The following AGO3 variants were observed in gnomAD, a reference collection of about 807,000 sequenced individuals.
AGO3 encodes protein argonaute-3.
In AGO3, 16 loss-of-function variants were observed where a neutral mutation model predicts 105.5. The observed-to-expected ratio is 0.15, with a 90% CI of 0.10 to 0.23. The LOEUF (loss-of-function observed/expected upper bound fraction) is 0.23, where lower values mean the gene tolerates loss of function less well. AGO3 is among the 10% of genes least tolerant of loss of function. The pLI is 1.00. For missense variants in AGO3, 534 were observed against 1,088.0 expected (o/e 0.49, Z 7.16); for synonymous variants, 340 against 367.3 (o/e 0.93, Z 0.85).
intron 1 of AGO3, among the ~76,000 whole-genome samples, chr1:35,945,213 C>CTT (rs577859805): frequency 9.6e-5 from 14 of 145,838 alleles, no homozygotes; most frequent in African/African-American, 3.0e-4. Context: ...CTTTTCTTTT[C>CTT]TTTTTTTTTT....
chr1:35,979,508 C>T (rs1647012495), intron 5 of AGO3, among the ~76,000 whole-genome samples: 1 of 152,006 alleles, frequency 6.6e-6, no homozygotes, highest in South Asian at 2.1e-4. Context: ...GTGAAATATC[C>T]ATCAGAGCTA....
At position 36,008,250 on chromosome 1, in the gene AGO3, G is replaced by A. The variant is rs1640426847; in HGVS notation, c.794-440G>A. Reference sequence around the variant, plus strand: ...TCTTTCTTGAGCTTTACAAAATTCTGATCTTCAAGCAGTATGTGATGACTG... The same window carrying A: ...TCTTTCTTGAGCTTTACAAAATTCTAATCTTCAAGCAGTATGTGATGACTG... On this transcript the variant is annotated intron_variant, in intron 6 of 18. Coordinates refer to ENST00000373191, the MANE Select transcript of AGO3 (RefSeq NM_024852.4). This position sits in a 1 kb window ranked among gnomAD's most constrained non-coding sequence, Gnocchi z 5.1. Among the ~76,000 whole-genome samples the A allele has an allele frequency of 6.6e-6, 1 of 152,032 alleles. No individual in the cohort carries two copies. Among genetic ancestry groups the A allele is most frequent in the Non-Finnish European group, 1.5e-5 (1 of 68,004 alleles).
intron 5 of AGO3, among the ~76,000 whole-genome samples, chr1:35,995,049 A>T (rs191312043): frequency 1.2e-4 from 18 of 151,754 alleles, no homozygotes; most frequent in African/African-American, 4.3e-4. Flanking sequence ...AATACAAAAA[A>T]AATTAGCCGG....
intron 12 of AGO3, among the ~76,000 whole-genome samples, chr1:36,031,358 G>T (rs1174200699): frequency 6.6e-6 from 1 of 151,946 alleles, no homozygotes; most frequent in Admixed American, 6.6e-5. Context: ...CTTCATTTAT[G>T]ATTTCTGATC....
rs769594492 is a variant in AGO3 at position 36,055,590 on chromosome 1, T to A, written c.2475-47T>A. The A allele has an allele frequency of 4.5e-6, 7 of 1,546,354 alleles. No individual in the cohort carries two copies. Among genetic ancestry groups the A allele is most frequent in the Non-Finnish European group, 5.3e-6 (6 of 1,121,950 alleles). On this transcript the variant is annotated intron_variant, in intron 18 of 18. Transcript: ENST00000373191. This position sits in a 1 kb window ranked among gnomAD's most constrained non-coding sequence, Gnocchi z 4.4. ...AATAGTATTTTTCGGAATTATTACA[T>A]CAGAATAGAAAGTTTGTTTTTGTGT... is the stretch of plus-strand genomic sequence containing the variant.
intron 16 of AGO3, among the ~76,000 whole-genome samples, chr1:36,042,370 C>T (rs1029653602): frequency 2.0e-5 from 3 of 152,174 alleles, no homozygotes; most frequent in Non-Finnish European, 4.4e-5. Context: ...TAGGTGTGAG[C>T]CATCACACCC....
chr1:35,959,873 TA>T (rs1235822817), intron 2 of AGO3, among the ~76,000 whole-genome samples: 1 of 151,998 alleles, frequency 6.6e-6, no homozygotes, highest in Non-Finnish European at 1.5e-5. Flanking sequence ...TAATTATGCT[TA>T]AATTTTAATA....
intron 1 of AGO3, among the ~76,000 whole-genome samples, chr1:35,942,864 T>C (rs1209246404): frequency 6.6e-6 from 1 of 152,234 alleles, no homozygotes; most frequent in Non-Finnish European, 1.5e-5. Flanking sequence ...ACTATATCCA[T>C]TTAACAAATC....
At position 36,008,836 on chromosome 1, in the gene AGO3, T is replaced by A. The variant is rs1344962838; in HGVS notation, c.881+59T>A. On this transcript the variant is annotated intron_variant, in intron 7 of 18. Coordinates refer to ENST00000373191, the MANE Select transcript of AGO3 (RefSeq NM_024852.4). The surrounding 1 kb of genome is among the most constrained non-coding windows in gnomAD (Gnocchi z 5.1). ...AGGCAGCTTGCTCTAGTTAGTGGGGTTGGGAGTTTTTCTGGCTCATAATGG... is the reference window on the plus strand; with the variant it reads ...AGGCAGCTTGCTCTAGTTAGTGGGGATGGGAGTTTTTCTGGCTCATAATGG... 9 of 1,613,856 alleles carry A rather than the reference T, an allele frequency of 5.6e-6. No individual in the cohort carries two copies. Among genetic ancestry groups the A allele is most frequent in the Non-Finnish European group, 7.6e-6 (9 of 1,179,930 alleles).
rs148863839 is a variant in AGO3, at chr1:36,013,137, C to A, written c.1150-493C>A. Among the ~76,000 whole-genome samples the A allele has an allele frequency of 4.7e-3, 720 of 152,102 alleles. 5 individuals carry two copies. The highest frequency in any genetic ancestry group is 7.0e-3 in the Non-Finnish European group (473 of 67,994). On this transcript the variant is annotated intron_variant, in intron 9 of 18. Coordinates refer to ENST00000373191, the MANE Select transcript of AGO3 (RefSeq NM_024852.4). ...AATTTTTTGTAGAGATGAGGTCTTG[C>A]TTTGTTGCTCAGGTTGGTCTTGAGC...
At chr1:36,011,405 C>T (rs993931850) in intron 9 of AGO3, among the ~76,000 whole-genome samples, 1 of 151,732 alleles carries the variant, frequency 6.6e-6, no homozygotes, top group African/African-American at 2.4e-5. Context: ...AAAGTTATTA[C>T]ATGATATTTA....
At chr1:35,987,329 G>GAA (rs924575045) in intron 5 of AGO3, among the ~76,000 whole-genome samples, 2 of 119,012 alleles carry the variant, frequency 1.7e-5, no homozygotes, top group Non-Finnish European at 1.8e-5. Context: ...TTCTGTCTCA[G>GAA]AAAAAAAAAA....
At chr1:35,952,112 CTTT>C (rs1467075936) in intron 2 of AGO3, among the ~76,000 whole-genome samples, 1 of 8,408 alleles carries the variant, frequency 1.2e-4, no homozygotes, top group Non-Finnish European at 3.1e-4. Context: ...CTGGGTCGGT[CTTT>C]CTTTCTTTCT....
intron 11 of AGO3, among the ~76,000 whole-genome samples, chr1:36,019,232 G>A (rs992937276): frequency 2.6e-5 from 4 of 152,258 alleles, no homozygotes; most frequent in East Asian, 3.9e-4. Context: ...ATTTAGTCAC[G>A]TTAAGGTTTA....
chr1:36,015,573 C>T (rs1640863876), intron 11 of AGO3, among the ~76,000 whole-genome samples: 2 of 152,154 alleles, frequency 1.3e-5, no homozygotes, highest in South Asian at 4.1e-4. Flanking sequence ...CTATAGGCTA[C>T]CAGCCGTTAG....
chr1:35,972,292 G>T, intron 4 of AGO3, 60 bp downstream of exon 4: 2 of 1,539,878 alleles, frequency 1.3e-6, no homozygotes, highest in Non-Finnish European at 1.8e-6. Flanking sequence ...AATTGTGCAG[G>T]CTTCCCTTGG....
At chr1:35,931,031 A>AGAGGC (rs1362457027), upstream of AGO3, 8 of 372,238 alleles carry the variant, frequency 2.1e-5, no homozygotes, top group South Asian at 1.3e-4. Context: ...CTCGGGGCCC[A>AGAGGC]GAGGCGAGGC....
chr1:36,036,069 A>G, intron 13 of AGO3, 108 bp from the exon 14 acceptor site: 2 of 973,484 alleles, frequency 2.1e-6, no homozygotes, highest in Non-Finnish European at 1.5e-6. Context: ...ATTACATAGG[A>G]CTTCCTCTGT....
At chr1:35,964,947 C>T in intron 2 of AGO3, among the ~76,000 whole-genome samples, 1 of 151,352 alleles carries the variant, frequency 6.6e-6, no homozygotes. Context: ...CTGTTCATGT[C>T]ATTTGCCCAC....
Sources: gnomAD v4.1 joint callset for allele counts (sites outside exome capture counted in the v4.1 genomes callset) on GRCh38, gnomAD v4.1.1 for gene constraint, Gnocchi (gnomAD v3.1) non-coding constraint, MANE v1.5 for transcripts, NCBI Gene and HGNC (gene_info 2026-07-23, HGNC 2026-07-21) for gene names.